The following TRAPPC3L variants were observed in gnomAD, a reference collection of about 807,000 sequenced individuals.
TRAPPC3L encodes the protein trafficking protein particle complex subunit 3-like protein.
TRAPPC3L carries 23 observed loss-of-function variants against 23.7 expected under a neutral mutation model. That is an observed-to-expected ratio of 0.97 (90% CI 0.70 to 1.37). The LOEUF (loss-of-function observed/expected upper bound fraction) is 1.37. Among genes scored for constraint, TRAPPC3L ranks in the 40% most tolerant of loss-of-function variants. The probability of loss-of-function intolerance (pLI) is 0.00; values close to 1 mark genes in which losing one functional copy is unlikely to be tolerated. For synonymous variants in TRAPPC3L, 81 were observed against 77.9 expected (o/e 1.04, Z -0.21); for missense variants, 212 against 216.8 (o/e 0.98, Z 0.14).
chr6:116,538,911 T>C (rs1414071843), intron 3 of TRAPPC3L, among the ~76,000 whole-genome samples: 2 of 151,996 alleles, frequency 1.3e-5, no homozygotes, highest in African/African-American at 4.8e-5. Context: ...TGTATTTTTT[T>C]GTAGAGGTGG....
chr6:116,522,768 C>T (rs1294775116), intron 3 of TRAPPC3L: 2 of 152,078 alleles, frequency 1.3e-5, no homozygotes, highest in Non-Finnish European at 2.9e-5. Context: ...TTCTTCTAGT[C>T]GTCTCTCAAA....
rs376423513 is a variant in TRAPPC3L at position 116,539,745 on chromosome 6, G to A, written c.240+618C>T. ...CAGTTTTGTAAACCTGGAGACACGC[G>A]TATCTTCTGAGTCTCCCACAAATTA... On this transcript the variant is annotated intron_variant, in intron 3 of 4. Transcript: ENST00000368602. 7.2e-5 allele frequency among the ~76,000 whole-genome samples: 11 copies of A among 152,168 alleles called. No individual in the cohort carries two copies. The South Asian group carries it at 1.0e-3, about 14-fold the overall frequency.
In TRAPPC3L at chr6:116,505,601, C is replaced by T. The variant is rs1166740507; in HGVS notation, c.241-4935G>A. Among the ~76,000 whole-genome samples, 4 of 152,160 alleles carry T rather than the reference C, an allele frequency of 2.6e-5. No homozygotes were observed. The East Asian group carries it at 7.7e-4, about 29-fold the overall frequency. Reference sequence around the variant, plus strand: ...AAAGAACAAAGCTGGAGGCATCACGCTACCTGACTTCAAACTATACTACAA... The same window carrying T: ...AAAGAACAAAGCTGGAGGCATCACGTTACCTGACTTCAAACTATACTACAA... On this transcript the variant is annotated intron_variant, in intron 3 of 4. Coordinates refer to ENST00000368602, the MANE Select transcript of TRAPPC3L (RefSeq NM_001139444.3).
chr6:116,512,493 A>C, intron 3 of TRAPPC3L: 1 of 430,506 alleles, frequency 2.3e-6, no homozygotes, highest in South Asian at 4.8e-5. Context: ...ATAAATACTT[A>C]AGTACTTTAA....
In TRAPPC3L at chr6:116,543,300, T is replaced by G; in HGVS notation, c.140+3A>C. 6.5e-7 allele frequency: 1 copy of G among 1,545,336 alleles called. No individual in the cohort carries two copies. The highest frequency in any genetic ancestry group is 1.2e-5 in the South Asian group (1 of 83,248). On this transcript the variant is annotated splice_donor_region_variant and intron_variant, in intron 2 of 4. Coordinates refer to ENST00000368602, the MANE Select transcript of TRAPPC3L (RefSeq NM_001139444.3). Reference sequence around the variant, plus strand: ...TCAATAAGAATGAAGGACTTCCACTTACATTTTATCTAAATATTGGTTCAC... The same window carrying G: ...TCAATAAGAATGAAGGACTTCCACTGACATTTTATCTAAATATTGGTTCAC...
chr6:116,498,581 T>G (rs1287018397), intron 4 of TRAPPC3L, among the ~76,000 whole-genome samples: 1 of 152,260 alleles, frequency 6.6e-6, no homozygotes, highest in Admixed American at 6.5e-5. Context: ...TTGTTGACTG[T>G]TACCTCTTCT....
At chr6:116,532,057 AG>A (rs1190664747) in intron 3 of TRAPPC3L, among the ~76,000 whole-genome samples, 4 of 152,160 alleles carry the variant, frequency 2.6e-5, no homozygotes, top group Non-Finnish European at 5.9e-5. Flanking sequence ...GTGAACAACC[AG>A]GTACTTTTAG....
chr6:116,522,378 G>A (rs1238498831), intron 3 of TRAPPC3L: 5 of 152,188 alleles, frequency 3.3e-5, no homozygotes, highest in Non-Finnish European at 5.9e-5. Context: ...TGAAGCGACA[G>A]AACCTGAACA....
chr6:116,515,374 A>G lies in TRAPPC3L; in HGVS notation c.241-14708T>C, dbSNP rs577053348. ...CTTCTGGTTATTTCTTTGCACCAGC[A>G]ATGTTGGGGAGGAGAATAGAGATTA... On this transcript the variant is annotated intron_variant, in intron 3 of 4. Coordinates refer to ENST00000368602, the MANE Select transcript of TRAPPC3L (RefSeq NM_001139444.3). Among the ~76,000 whole-genome samples, 12 of 152,266 alleles carry G rather than the reference A, an allele frequency of 7.9e-5. No homozygotes were observed. In the East Asian group the frequency reaches 2.3e-3, roughly 29 times the overall value.
intron 3 of TRAPPC3L, among the ~76,000 whole-genome samples, chr6:116,501,571 T>G (rs1456398257): frequency 6.6e-6 from 1 of 152,150 alleles, no homozygotes; most frequent in East Asian, 1.9e-4. Context: ...CTCAAGTGGG[T>G]CCATGACCCC....
At chr6:116,524,431 A>G (rs530668014) in intron 3 of TRAPPC3L, 3 of 152,310 alleles carry the variant, frequency 2.0e-5, no homozygotes, top group South Asian at 4.1e-4. Flanking sequence ...CAGGAATGCT[A>G]TTCTCTGAAT....
chr6:116,538,856 T>C (rs1214232240), intron 3 of TRAPPC3L, among the ~76,000 whole-genome samples: 1 of 152,000 alleles, frequency 6.6e-6, no homozygotes, highest in East Asian at 1.9e-4. Flanking sequence ...CTCAGCTTTC[T>C]GAGTTGTTGG....
At chr6:116,504,122 T>C (rs1771965614) in intron 3 of TRAPPC3L, among the ~76,000 whole-genome samples, 1 of 151,852 alleles carries the variant, frequency 6.6e-6, no homozygotes, top group African/African-American at 2.4e-5. Context: ...ACAAAATAGA[T>C]CTACCGCTAG....
chr6:116,511,820 C>T (rs1772126138), intron 3 of TRAPPC3L: 2 of 1,613,972 alleles, frequency 1.2e-6, no homozygotes, highest in Non-Finnish European at 1.7e-6. Context: ...TTTTAAGTGC[C>T]CCTGCAGCAC....
rs1771832631 is a variant in TRAPPC3L at position 116,496,309 on chromosome 6, A to T, written c.*645T>A. On this transcript the variant is annotated 3_prime_UTR_variant, in exon 5 of 5. Transcript: ENST00000368602. ...GCAATATTTCATGAGAAAAGGAAGG[A>T]ATTTGGTTGATGCCAGCTATATTAA... is the stretch of plus-strand genomic sequence containing the variant. The T allele has an allele frequency of 6.6e-6, 1 of 152,170 alleles. No individual in the cohort carries two copies. Among genetic ancestry groups the T allele is most frequent in the African/African-American group, 2.4e-5 (1 of 41,448 alleles). 9.4% of individuals were successfully genotyped at this position (152,170 alleles called of 1,614,324 possible). A position where few individuals can be genotyped will look rare whatever the true frequency, so the allele number is the denominator to read the frequency against.
chr6:116,509,095 A>G (rs1400576974), intron 3 of TRAPPC3L, among the ~76,000 whole-genome samples: 9,904 of 69,310 alleles, frequency 0.14, 424 homozygotes, highest in Admixed American at 0.27. Flanking sequence ...GAGTTGTAAA[A>G]AAAAAAAAAA....
At chr6:116,505,968 C>T (rs1342391855) in intron 3 of TRAPPC3L, among the ~76,000 whole-genome samples, 2 of 152,166 alleles carry the variant, frequency 1.3e-5, no homozygotes, top group African/African-American at 2.4e-5. Flanking sequence ...GCAAAGACTT[C>T]ATGACTAAAA....
At chr6:116,528,380 C>T (rs192397382) in intron 3 of TRAPPC3L, among the ~76,000 whole-genome samples, 1 of 152,214 alleles carries the variant, frequency 6.6e-6, no homozygotes, top group Non-Finnish European at 1.5e-5. Flanking sequence ...TTCACCCCTC[C>T]CAGAGGTACA....
chr6:116,499,514 T>C (rs1468309087), intron 4 of TRAPPC3L, among the ~76,000 whole-genome samples: 1 of 152,250 alleles, frequency 6.6e-6, no homozygotes, highest in South Asian at 2.1e-4. Flanking sequence ...GCTTGTCATA[T>C]GAATCCCTTT....
Sources: allele counts gnomAD v4.1 joint callset (sites outside exome capture counted in the v4.1 genomes callset), GRCh38; gene constraint gnomAD v4.1.1; transcripts MANE v1.5; gene names NCBI Gene and HGNC (gene_info 2026-07-23, HGNC 2026-07-21).